PRKAR2A: variants seen among roughly 807,000 people sequenced by gnomAD.
PRKAR2A encodes protein kinase cAMP-dependent type II regulatory subunit alpha, also known as cAMP-dependent protein kinase type II-alpha regulatory subunit.
A neutral mutation model predicts 51.9 loss-of-function variants in PRKAR2A; 29 were observed. The ratio of observed to expected loss-of-function variants is 0.56; its 90% CI spans 0.42 to 0.76. The LOEUF is 0.76. PRKAR2A is among the 30% of genes least tolerant of loss of function. The probability of loss-of-function intolerance (pLI) is 0.00; values close to 1 mark genes in which losing one functional copy is unlikely to be tolerated. For missense variants in PRKAR2A, 445 were observed against 512.1 expected (o/e 0.87, Z 1.26); for synonymous variants, 178 against 186.2 (o/e 0.96, Z 0.36).
At chr3:48,817,098 G>A (rs1242499685) in intron 1 of PRKAR2A, among the ~76,000 whole-genome samples, 18 of 152,016 alleles carry the variant, frequency 1.2e-4, no homozygotes, top group Non-Finnish European at 2.5e-4. Flanking sequence ...GAAGGCTGAG[G>A]CAGGTGGATC....
chr3:48,763,152 T>G (rs146138946), intron 8 of PRKAR2A, among the ~76,000 whole-genome samples: 1 of 152,232 alleles, frequency 6.6e-6, no homozygotes, highest in African/African-American at 2.4e-5. Flanking sequence ...CAACATAAAA[T>G]GTAGTTTCTG....
chr3:48,752,852 TG>T (rs1431055288), intron 9 of PRKAR2A, among the ~76,000 whole-genome samples: 1 of 149,032 alleles, frequency 6.7e-6, no homozygotes, highest in Non-Finnish European at 1.5e-5. Flanking sequence ...AGTGATTCAC[TG>T]CTCCTGGCCA....
At chr3:48,810,467 T>G (rs376203598) in intron 1 of PRKAR2A, among the ~76,000 whole-genome samples, 1 of 152,210 alleles carries the variant, frequency 6.6e-6, no homozygotes, top group African/African-American at 2.4e-5. Flanking sequence ...TATACACTAC[T>G]TCATTCCTGT....
At chr3:48,761,551 C>A (rs2081863288) in intron 8 of PRKAR2A, among the ~76,000 whole-genome samples, 1 of 152,122 alleles carries the variant, frequency 6.6e-6, no homozygotes, top group Admixed American at 6.6e-5. Flanking sequence ...TTTAGATATA[C>A]TGAGTTAAAT....
chr3:48,756,797 ACT>A (rs1167568613), intron 8 of PRKAR2A, among the ~76,000 whole-genome samples: 4 of 151,980 alleles, frequency 2.6e-5, no homozygotes, highest in Admixed American at 6.6e-5. Context: ...ATGCACTCTC[ACT>A]CTGTGTGGGT....
chr3:48,800,268 A>G (rs1407987634), intron 2 of PRKAR2A, among the ~76,000 whole-genome samples: 2 of 151,378 alleles, frequency 1.3e-5, no homozygotes, highest in Non-Finnish European at 2.9e-5. Flanking sequence ...TAATCCCAGC[A>G]CTTTGGGAGG....
At chr3:48,793,167 C>A (rs1006212898) in intron 3 of PRKAR2A, among the ~76,000 whole-genome samples, 10 of 151,930 alleles carry the variant, frequency 6.6e-5, no homozygotes, top group African/African-American at 1.9e-4. Context: ...ACACCTCACA[C>A]AAACATACAT....
At chr3:48,839,326 C>CAGAT (rs1459540592) in intron 1 of PRKAR2A, among the ~76,000 whole-genome samples, 3 of 146,370 alleles carry the variant, frequency 2.0e-5, no homozygotes, top group Non-Finnish European at 4.5e-5. Flanking sequence ...CGGCTGCACA[C>CAGAT]AGATATGAAA....
Position 48,773,099 on chromosome 3 carries a change from A to C in PRKAR2A, c.552T>G (p.Tyr184Ter). 1 of 1,607,488 alleles carries C rather than the reference A, an allele frequency of 6.2e-7. No individual in the cohort carries two copies. The highest frequency in any genetic ancestry group is 8.5e-7 in the Non-Finnish European group (1 of 1,175,916). Residue 184 changes from tyrosine (Y) to a stop codon, truncating the protein, a stop_gained, in exon 6 of 11, where the codon TAT becomes TAG. Coordinates refer to ENST00000265563, the MANE Select transcript of PRKAR2A (RefSeq NM_004157.4). LOFTEE classifies it high-confidence loss of function. ...GATTATCTTTTGTTACTAAAATGTC[A>C]TAAGTTCCCCTAGAAGAATGACAAA... ...DNFYVIERGT[Y>*]DILVTKDNQT...
chr3:48,767,935 C>A (rs1380222467), intron 6 of PRKAR2A, among the ~76,000 whole-genome samples: 7 of 148,312 alleles, frequency 4.7e-5, no homozygotes, highest in African/African-American at 7.4e-5. Context: ...AAAAAAAAAA[C>A]AAACAAAAAA....
At chr3:48,798,500 T>A (rs2082533716) in intron 2 of PRKAR2A, among the ~76,000 whole-genome samples, 1 of 152,186 alleles carries the variant, frequency 6.6e-6, no homozygotes, top group African/African-American at 2.4e-5. Flanking sequence ...ATTCTCATAT[T>A]TGACCTTAAT....
intron 3 of PRKAR2A, 63 bp downstream of exon 3, chr3:48,793,934 T>C (rs376123988): frequency 2.7e-5 from 34 of 1,262,676 alleles, no homozygotes; most frequent in Non-Finnish European, 3.8e-5. Context: ...TTTTGGTATG[T>C]AGAGAAGGGG....
In PRKAR2A at chr3:48,763,497, G is replaced by C. The variant is rs116589214; in HGVS notation, c.873+1507C>G. On this transcript the variant is annotated intron_variant, in intron 8 of 10. Coordinates refer to ENST00000265563, the MANE Select transcript of PRKAR2A (RefSeq NM_004157.4). ...CTAGAACCTTCAGGATGACTTGAAGGTCCTTTGAATGTTACTTAAAGCACC... is the reference window on the plus strand; with the variant it reads ...CTAGAACCTTCAGGATGACTTGAAGCTCCTTTGAATGTTACTTAAAGCACC... Among the ~76,000 whole-genome samples the C allele has an allele frequency of 4.3e-3, 655 of 152,220 alleles. 6 individuals are homozygous for C. Among genetic ancestry groups the C allele is most frequent in the African/African-American group, 0.015 (617 of 41,542 alleles).
At chr3:48,773,468 C>T (rs913869230) in intron 5 of PRKAR2A, among the ~76,000 whole-genome samples, 1 of 151,384 alleles carries the variant, frequency 6.6e-6, no homozygotes, top group Non-Finnish European at 1.5e-5. Context: ...CTCAGCCTCC[C>T]GAGTAGCTGG....
intron 6 of PRKAR2A, among the ~76,000 whole-genome samples, chr3:48,769,507 G>A (rs910943156): frequency 4.0e-5 from 6 of 150,252 alleles, no homozygotes; most frequent in African/African-American, 1.2e-4. Context: ...ATGGAGTTTC[G>A]TTCTTGTTGA....
intron 2 of PRKAR2A, 85 bp downstream of exon 2, chr3:48,807,564 C>G (rs182478024): frequency 1.4e-5 from 16 of 1,131,018 alleles, no homozygotes; most frequent in Admixed American, 1.0e-4. Flanking sequence ...GGGAGCTTAT[C>G]TTTTTATTCA....
chr3:48,752,463 AAACTC>A, intron 9 of PRKAR2A, 146 bp from the exon 10 acceptor site: 4 of 888,132 alleles, frequency 4.5e-6, no homozygotes, highest in Non-Finnish European at 6.8e-6. Flanking sequence ...TGTACCATGT[AAACTC>A]CATGGACTAA....
At chr3:48,799,567 A>T (rs9876812) in intron 2 of PRKAR2A, among the ~76,000 whole-genome samples, 3,114 of 152,344 alleles carry the variant, frequency 0.02, 123 homozygotes, top group African/African-American at 0.071. Flanking sequence ...AATATTGCAT[A>T]CTATGAAAGA....
At chr3:48,778,111 A>G (rs978829490) in intron 5 of PRKAR2A, among the ~76,000 whole-genome samples, 6 of 152,152 alleles carry the variant, frequency 3.9e-5, no homozygotes, top group Non-Finnish European at 7.4e-5. Flanking sequence ...CAACTTGACC[A>G]TGAATTTTTT....
Sources: gnomAD v4.1 joint callset for allele counts (sites outside exome capture counted in the v4.1 genomes callset) on GRCh38, gnomAD v4.1.1 for gene constraint, MANE v1.5 for transcripts, NCBI Gene and HGNC (gene_info 2026-07-23, HGNC 2026-07-21) for gene names.